Variants in PHLPP1 observed in about 807,000 individuals in gnomAD.
The protein encoded by PHLPP1 is PH domain leucine-rich repeat-containing protein phosphatase 1.
A neutral mutation model predicts 117.2 loss-of-function variants in PHLPP1; 42 were observed. The ratio of observed to expected loss-of-function variants is 0.36; its 90% CI spans 0.28 to 0.46. PHLPP1 has a LOEUF of 0.46. PHLPP1 is among the 20% of genes least tolerant of loss of function. PHLPP1 has a pLI of 1.00. For missense variants in PHLPP1, 2,084 were observed against 2,241.9 expected (o/e 0.93, Z 1.42); for synonymous variants, 1,042 against 970.7 (o/e 1.07, Z -1.37).
At chr18:62,744,380 T>G (rs34691917) in intron 1 of PHLPP1, among the ~76,000 whole-genome samples, 7,155 of 152,342 alleles carry the variant, frequency 0.047, 211 homozygotes, top group Non-Finnish European at 0.07. Flanking sequence ...ATTTTTTGCC[T>G]CATGTTTTCT....
At chr18:62,845,960 C>T (rs1915168628) in intron 3 of PHLPP1, among the ~76,000 whole-genome samples, 1 of 152,020 alleles carries the variant, frequency 6.6e-6, no homozygotes, top group Non-Finnish European at 1.5e-5. Flanking sequence ...GCCTGTAATC[C>T]CAGCACTTTG....
chr18:62,925,711 G>A (rs934505870), intron 10 of PHLPP1, among the ~76,000 whole-genome samples: 1 of 152,182 alleles, frequency 6.6e-6, no homozygotes, highest in Non-Finnish European at 1.5e-5. Flanking sequence ...GTGAAGTTCT[G>A]ATGTTTTGAG....
chr18:62,822,290 T>TG (rs1568128098), intron 1 of PHLPP1, among the ~76,000 whole-genome samples: 16 of 145,058 alleles, frequency 1.1e-4, no homozygotes, highest in African/African-American at 3.0e-4. Flanking sequence ...GTTTTTGTTT[T>TG]TTTTTTTTTG....
rs1915088035 is a variant in PHLPP1, at chr18:62,842,841, G to A, written c.1899+3932G>A. The A allele has an allele frequency of 2.0e-5, 3 of 152,184 alleles. No homozygotes were observed. The South Asian group carries it at 6.2e-4, about 31-fold the overall frequency. 9.4% of individuals were successfully genotyped at this position (152,184 alleles called of 1,614,324 possible). ...AATGGGTGAAGGAACTCCCTGTTTG[G>A]GTTTGAATCCTATGTAAAACATGGC... On this transcript the variant is annotated intron_variant, in intron 3 of 16. Transcript: ENST00000262719.
chr18:62,727,071 T>A (rs1408365062), intron 1 of PHLPP1, among the ~76,000 whole-genome samples: 1 of 150,280 alleles, frequency 6.7e-6, no homozygotes, highest in African/African-American at 2.4e-5. Flanking sequence ...CTACTAAAAA[T>A]ACAAAAATTA....
chr18:62,731,825 A>G (rs1950869183), intron 1 of PHLPP1, among the ~76,000 whole-genome samples: 1 of 152,232 alleles, frequency 6.6e-6, no homozygotes, highest in Non-Finnish European at 1.5e-5. Flanking sequence ...AGAACGTTTT[A>G]GTGGTCTACA....
At chr18:62,742,233 A>G (rs1196607124) in intron 1 of PHLPP1, among the ~76,000 whole-genome samples, 1 of 152,206 alleles carries the variant, frequency 6.6e-6, no homozygotes, top group Non-Finnish European at 1.5e-5. Flanking sequence ...GGTCTTTTCT[A>G]TAATCTGAAC....
chr18:62,756,932 A>G (rs77407297), intron 1 of PHLPP1, among the ~76,000 whole-genome samples: 2,154 of 152,264 alleles, frequency 0.014, 44 homozygotes, highest in African/African-American at 0.05. Context: ...GCCTCCAGCA[A>G]TGTCTGCCAT....
intron 3 of PHLPP1, among the ~76,000 whole-genome samples, chr18:62,856,806 C>G (rs1429133019): frequency 6.6e-6 from 1 of 152,130 alleles, no homozygotes; most frequent in Non-Finnish European, 1.5e-5. Context: ...CAGATAAATC[C>G]TATCTGCCAA....
chr18:62,763,536 C>T (rs537123228), intron 1 of PHLPP1, among the ~76,000 whole-genome samples: 27 of 152,276 alleles, frequency 1.8e-4, no homozygotes, highest in East Asian at 5.8e-4. Flanking sequence ...TGTCGCTCAT[C>T]GCACCCTTGT....
intron 3 of PHLPP1, chr18:62,839,145 A>C: frequency 2.2e-6 from 1 of 454,384 alleles, no homozygotes; most frequent in East Asian, 3.7e-5. Context: ...TGGTCTGTAA[A>C]CAGGCATTAC....
chr18:62,931,145 C>G (rs1215991144), intron 10 of PHLPP1, among the ~76,000 whole-genome samples: 1 of 150,796 alleles, frequency 6.6e-6, no homozygotes, highest in African/African-American at 2.4e-5. Flanking sequence ...TGCAGTGAGC[C>G]AAGATCACAC....
At chr18:62,837,519 A>C (rs184786682) in intron 2 of PHLPP1, among the ~76,000 whole-genome samples, 277 of 152,146 alleles carry the variant, frequency 1.8e-3, no homozygotes, top group African/African-American at 6.5e-3. Flanking sequence ...GTATTTATCA[A>C]TTGTACTAGT....
At chr18:62,787,672 GT>G (rs1403909904) in intron 1 of PHLPP1, among the ~76,000 whole-genome samples, 2 of 152,176 alleles carry the variant, frequency 1.3e-5, no homozygotes, top group Non-Finnish European at 2.9e-5. Context: ...ACTTGATTGA[GT>G]TTCTCCAAAG....
intron 1 of PHLPP1, among the ~76,000 whole-genome samples, chr18:62,743,827 A>G (rs1450534046): frequency 6.6e-6 from 1 of 151,026 alleles, no homozygotes; most frequent in Non-Finnish European, 1.5e-5. Flanking sequence ...AAACCAGGTT[A>G]TTTGTCCTGT....
At chr18:62,946,070 T>A (rs1368702008) in intron 12 of PHLPP1, among the ~76,000 whole-genome samples, 1 of 152,234 alleles carries the variant, frequency 6.6e-6, no homozygotes, top group Non-Finnish European at 1.5e-5. Context: ...TTTCTAGTAA[T>A]CGATTTTATG....
In PHLPP1 at chr18:62,892,082, CTTTTTTTTTTTTT is replaced by C. The variant is rs200141250; in HGVS notation, c.2067-2915_2067-2903del. Among the ~76,000 whole-genome samples the C allele has an allele frequency of 1.1e-3, 122 of 107,952 alleles. 1 individual carries two copies. The highest frequency in any genetic ancestry group is 8.4e-3 in the East Asian group (31 of 3,696). The allele number at this position is 107,952 out of a possible 152,430, so 70.8% of individuals were successfully genotyped here. A position where few individuals can be genotyped will look rare whatever the true frequency, so the allele number is the denominator to read the frequency against. The stretch of plus-strand genomic sequence containing the variant: ...TTTTCTTTCTTTTCTTTCTTTCTTT[CTTTTTTTTTTTTT>C]TTTTTTTTTTTTTACGGAGTTTTGC... On this transcript the variant is annotated intron_variant, in intron 4 of 16. Coordinates refer to ENST00000262719, the MANE Select transcript of PHLPP1 (RefSeq NM_194449.4).
At chr18:62,793,373 C>T (rs758906206) in intron 1 of PHLPP1, among the ~76,000 whole-genome samples, 3 of 152,156 alleles carry the variant, frequency 2.0e-5, no homozygotes, top group African/African-American at 7.2e-5. Flanking sequence ...GCTGCTGTTT[C>T]GCCTTCATAT....
At chr18:62,750,475 G>A (rs1021926399) in intron 1 of PHLPP1, among the ~76,000 whole-genome samples, 9 of 151,988 alleles carry the variant, frequency 5.9e-5, no homozygotes, top group African/African-American at 2.2e-4. Context: ...TCTCTTTTAC[G>A]TAGGAGAAAA....
Sources: gnomAD v4.1 joint callset for allele counts (sites outside exome capture counted in the v4.1 genomes callset) on GRCh38, gnomAD v4.1.1 for gene constraint, MANE v1.5 for transcripts, NCBI Gene and HGNC (gene_info 2026-07-23, HGNC 2026-07-21) for gene names.